The following NBEA variants were observed in gnomAD, a reference collection of about 807,000 sequenced individuals.
NBEA encodes lysosomal-trafficking regulator 2.
A neutral mutation model predicts 343.4 loss-of-function variants in NBEA; 44 were observed. The ratio of observed to expected loss-of-function variants is 0.13; its 90% CI spans 0.10 to 0.16. The LOEUF is 0.16. Among genes scored for constraint, NBEA ranks in the 10% least tolerant of loss-of-function variants. The pLI, the probability that NBEA is intolerant of heterozygous loss-of-function variation, is 1.00. For synonymous variants in NBEA, 1,175 were observed against 1,238.7 expected, an observed-to-expected ratio of 0.95 and a Z score of 1.08; for missense variants, 2,555 against 3,631.3, an observed-to-expected ratio of 0.70 and a Z score of 7.62.
chr13:35,186,406 A>T (rs990025827), intron 30 of NBEA: 37 of 152,130 alleles, frequency 2.4e-4, no homozygotes, highest in African/African-American at 8.2e-4. Context: ...AGACTATTTT[A>T]TATTTTATTT....
intron 38 of NBEA, among the ~76,000 whole-genome samples, chr13:35,383,420 G>T (rs1012167014): frequency 6.6e-6 from 1 of 152,296 alleles, no homozygotes; most frequent in East Asian, 1.9e-4. Flanking sequence ...ATGTAACATA[G>T]TTCAGTCTAA....
At chr13:35,394,130 T>G (rs985411971) in intron 38 of NBEA, among the ~76,000 whole-genome samples, 2 of 152,138 alleles carry the variant, frequency 1.3e-5, no homozygotes, top group Non-Finnish European at 2.9e-5. Flanking sequence ...AGCAGAGACT[T>G]TATTTAGCTT....
intron 43 of NBEA, among the ~76,000 whole-genome samples, chr13:35,551,659 T>C (rs2079333748): frequency 6.6e-6 from 1 of 152,068 alleles, no homozygotes; most frequent in Non-Finnish European, 1.5e-5. Flanking sequence ...TGGCTTAAAC[T>C]ATAGGGGTGT....
At chr13:35,256,908 G>T (rs1566528460) in intron 34 of NBEA, among the ~76,000 whole-genome samples, 1 of 152,230 alleles carries the variant, frequency 6.6e-6, no homozygotes. Flanking sequence ...TGGAGCCATG[G>T]CTGGGCAGCT....
chr13:35,452,818 G>A (rs1017473267), intron 40 of NBEA, among the ~76,000 whole-genome samples: 1 of 152,174 alleles, frequency 6.6e-6, no homozygotes, highest in African/African-American at 2.4e-5. Flanking sequence ...ATATCTTAGT[G>A]TATTCACCCA....
intron 25 of NBEA, among the ~76,000 whole-genome samples, chr13:35,169,992 T>C (rs1024060732): frequency 6.6e-6 from 1 of 151,780 alleles, no homozygotes; most frequent in Non-Finnish European, 1.5e-5. Context: ...TTAGAGAGAA[T>C]GGTTTTAACC....
chr13:35,668,277 T>G, intron 57 of NBEA, 91 bp from the exon 58 acceptor site: 2 of 1,298,300 alleles, frequency 1.5e-6, no homozygotes, highest in Non-Finnish European at 1.1e-6. Context: ...GTAGTGACAG[T>G]TGGCTATTTA....
At chr13:35,457,620 G>GT (rs950696422) in intron 40 of NBEA, among the ~76,000 whole-genome samples, 2 of 151,416 alleles carry the variant, frequency 1.3e-5, no homozygotes, top group Non-Finnish European at 1.5e-5. Flanking sequence ...CCCTTTTTTT[G>GT]TTTTTTGAGA....
At chr13:35,346,216 C>A (rs2039864136) in intron 36 of NBEA, among the ~76,000 whole-genome samples, 2 of 152,078 alleles carry the variant, frequency 1.3e-5, no homozygotes, top group Admixed American at 1.3e-4. Context: ...GTACCCTTCC[C>A]TTCCTGCTGT....
intron 1 of NBEA, among the ~76,000 whole-genome samples, chr13:34,998,957 C>T (rs58583592): frequency 1.1e-4 from 16 of 151,968 alleles, no homozygotes; most frequent in Admixed American, 2.0e-4. Flanking sequence ...TAAAGACAGG[C>T]GTAAGAAATT....
chr13:35,418,033 G>T (rs1263403037), intron 38 of NBEA, among the ~76,000 whole-genome samples: 2 of 152,112 alleles, frequency 1.3e-5, no homozygotes, highest in Non-Finnish European at 2.9e-5. Context: ...TTGGTTTAAA[G>T]TCTGTTTTAT....
intron 35 of NBEA, among the ~76,000 whole-genome samples, chr13:35,301,756 G>T (rs187621701): frequency 1.3e-5 from 2 of 151,944 alleles, no homozygotes; most frequent in African/African-American, 4.8e-5. Context: ...TCCTTGAATC[G>T]CCACACTGTC....
intron 35 of NBEA, among the ~76,000 whole-genome samples, chr13:35,294,309 G>C (rs2035977483): frequency 6.6e-6 from 1 of 150,884 alleles, no homozygotes; most frequent in African/African-American, 2.4e-5. Flanking sequence ...CCTCCAGTGT[G>C]ATACAGTTGA....
chr13:35,182,011 C>A (rs2071353432), intron 28 of NBEA, among the ~76,000 whole-genome samples: 1 of 151,238 alleles, frequency 6.6e-6, no homozygotes, highest in South Asian at 2.1e-4. Context: ...TTTTTAAAAT[C>A]CAGGACATTA....
In NBEA at chr13:35,195,847, A is replaced by G. The variant is rs760447462; in HGVS notation, c.4928-17A>G. On this transcript the variant is annotated splice_polypyrimidine_tract_variant and intron_variant, in intron 30 of 58. Coordinates refer to ENST00000379939, the MANE Select transcript of NBEA (RefSeq NM_001385012.1). ...TACTTTCAAAGCTTTTTTCTAACCT[A>G]GTTTCTTTCATTACAGAAACACCTG... 52 of 1,544,256 alleles carry G rather than the reference A, an allele frequency of 3.4e-5. No homozygotes were observed. The South Asian group carries it at 5.8e-4, about 17-fold the overall frequency.
chr13:35,651,891 A>T lies in NBEA; in HGVS notation c.8035+15A>T. 1.4e-6 allele frequency: 2 copies of T among 1,446,694 alleles called. No homozygotes were observed. Among genetic ancestry groups the T allele is most frequent in the Non-Finnish European group, 1.9e-6 (2 of 1,051,804 alleles). The allele number at this position is 1,446,694 out of a possible 1,614,324, so 89.6% of individuals were successfully genotyped here. On this transcript the variant is annotated intron_variant, in intron 53 of 58. Coordinates refer to ENST00000379939, the MANE Select transcript of NBEA (RefSeq NM_001385012.1). ...TCCATTAATAGGTATGTTAATAAAA[A>T]AGAATAAATTTTCATGGATACTATC...
chr13:35,133,908 A>G (rs1452300270), intron 17 of NBEA, among the ~76,000 whole-genome samples: 1 of 152,004 alleles, frequency 6.6e-6, no homozygotes, highest in African/African-American at 2.4e-5. Context: ...GTTGGTGGTT[A>G]CATGAATATT....
intron 35 of NBEA, among the ~76,000 whole-genome samples, chr13:35,303,237 A>G (rs1594136029): frequency 1.3e-5 from 2 of 152,314 alleles, no homozygotes; most frequent in South Asian, 4.1e-4. Flanking sequence ...TTAAAGAAAC[A>G]CTATGTTCAA....
chr13:35,318,114 C>T (rs1051567310), intron 36 of NBEA, among the ~76,000 whole-genome samples: 1 of 152,182 alleles, frequency 6.6e-6, no homozygotes, highest in African/African-American at 2.4e-5. Flanking sequence ...CCTGATTGCC[C>T]TGGCCAGAAC....
Sources: allele counts gnomAD v4.1 joint callset (sites outside exome capture counted in the v4.1 genomes callset), GRCh38; gene constraint gnomAD v4.1.1; transcripts MANE v1.5; gene names NCBI Gene and HGNC (gene_info 2026-07-23, HGNC 2026-07-21).